The following LRP1B variants were observed in gnomAD, a reference collection of about 807,000 sequenced individuals.
The protein encoded by LRP1B is LDL receptor related protein 1B, also known as low-density lipoprotein receptor-related protein 1B.
Under a neutral mutation model 556.6 loss-of-function variants are expected in LRP1B, and 217 were observed. That is an observed-to-expected ratio of 0.39 (90% CI 0.35 to 0.44). The LOEUF (loss-of-function observed/expected upper bound fraction) is 0.44, where lower values mean the gene tolerates loss of function less well. LRP1B is among the 20% of genes least tolerant of loss of function. The probability of loss-of-function intolerance (pLI) is 1.00; values close to 1 mark genes in which losing one functional copy is unlikely to be tolerated. For missense variants in LRP1B, 5,053 were observed against 5,620.8 expected (o/e 0.90, Z 3.23); for synonymous variants, 2,047 against 1,865.8 (o/e 1.10, Z -2.50).
intron 25 of LRP1B, among the ~76,000 whole-genome samples, chr2:140,882,618 C>T (rs538779504): frequency 6.6e-6 from 1 of 152,256 alleles, no homozygotes; most frequent in Admixed American, 6.5e-5. Context: ...ATTTGGAATC[C>T]TTGCTCTAGA....
rs187435452 is a variant in LRP1B, at chr2:141,355,333, C to T, written c.344-100692G>A. 2.6e-3 allele frequency among the ~76,000 whole-genome samples: 393 copies of T among 151,888 alleles called. 5 individuals carry two copies. The highest frequency in any genetic ancestry group is 9.0e-3 in the African/African-American group (371 of 41,384). The stretch of plus-strand genomic sequence containing the variant: ...GAAATAATTCACATACCTTAATATC[C>T]ACCCTTATAAAGTGTACAATTCCCT... On this transcript the variant is annotated intron_variant, in intron 3 of 90. Transcript: ENST00000389484.
chr2:141,643,196 C>T (rs1039061289), intron 2 of LRP1B, among the ~76,000 whole-genome samples: 1 of 152,140 alleles, frequency 6.6e-6, no homozygotes. Context: ...ATCTGGTACT[C>T]TGCAATGGCA....
At chr2:142,061,307 A>C (rs1336787216) in intron 1 of LRP1B, among the ~76,000 whole-genome samples, 1 of 152,034 alleles carries the variant, frequency 6.6e-6, no homozygotes, top group Non-Finnish European at 1.5e-5. Flanking sequence ...CAGATGAGGA[A>C]TTGAACACAA....
At chr2:141,414,246 A>AAAAAAAGAAAAG (rs1553511551) in intron 3 of LRP1B, among the ~76,000 whole-genome samples, 107 of 147,886 alleles carry the variant, frequency 7.2e-4, no homozygotes, top group African/African-American at 2.7e-3. Context: ...TCAAAAAAAA[A>AAAAAAAGAAAAG]AAAAAAAGAA....
At position 141,515,134 on chromosome 2, in the gene LRP1B, C is replaced by A. The variant is rs1002082824; in HGVS notation, c.206-34601G>T. Reference sequence around the variant, plus strand: ...ATTGACCAACATGGAGAAACCCCGTCTCTACTAAAAATACAAAATTAGCCC... The same window carrying A: ...ATTGACCAACATGGAGAAACCCCGTATCTACTAAAAATACAAAATTAGCCC... On this transcript the variant is annotated intron_variant, in intron 2 of 90. Transcript: ENST00000389484. Among the ~76,000 whole-genome samples the A allele has an allele frequency of 6.6e-5, 10 of 152,212 alleles. No individual in the cohort carries two copies. The South Asian group carries it at 1.2e-3, about 19-fold the overall frequency.
chr2:140,729,788 T>C (rs971912725), intron 35 of LRP1B, among the ~76,000 whole-genome samples: 1 of 152,198 alleles, frequency 6.6e-6, no homozygotes, highest in Non-Finnish European at 1.5e-5. Flanking sequence ...GAAAGCTTCA[T>C]ATTCTCTTCA....
At chr2:141,146,764 G>C (rs1294564103) in intron 7 of LRP1B, among the ~76,000 whole-genome samples, 1 of 152,112 alleles carries the variant, frequency 6.6e-6, no homozygotes, top group East Asian at 1.9e-4. Flanking sequence ...ATCAACTATA[G>C]ATGGCTGTTC....
chr2:141,466,563 G>A (rs1682210097), intron 3 of LRP1B, among the ~76,000 whole-genome samples: 1 of 151,458 alleles, frequency 6.6e-6, no homozygotes. Flanking sequence ...GGTAGATACT[G>A]TGTTTAATCA....
rs1246878986 is a variant in LRP1B at position 142,115,516 on chromosome 2, AC to A, written c.82+15131del. ...TTATATATAATATATATTATATATTACATATATAATATATATATTACATATG... is the reference window on the plus strand; with the variant it reads ...TTATATATAATATATATTATATATTAATATATAATATATATATTACATATG... On this transcript the variant is annotated intron_variant, in intron 1 of 90. Transcript: ENST00000389484. Among the ~76,000 whole-genome samples, 18 of 77,856 alleles carry A rather than the reference AC, an allele frequency of 2.3e-4. 4 individuals carry two copies. Among genetic ancestry groups the A allele is most frequent in the East Asian group, 9.6e-4 (3 of 3,132 alleles). 51.1% of individuals were successfully genotyped at this position (77,856 alleles called of 152,430 possible).
At chr2:141,049,621 C>T (rs910095243) in intron 10 of LRP1B, among the ~76,000 whole-genome samples, 7 of 152,064 alleles carry the variant, frequency 4.6e-5, no homozygotes, top group African/African-American at 1.7e-4. Flanking sequence ...TTTGACAATG[C>T]TAAAAACTTC....
intron 43 of LRP1B, among the ~76,000 whole-genome samples, chr2:140,590,120 C>T (rs939134603): frequency 2.6e-5 from 4 of 151,860 alleles, no homozygotes; most frequent in South Asian, 2.1e-4. Context: ...ATGCATATGT[C>T]GTCCTTCACT....
At chr2:141,814,463 A>C (rs1696464761) in intron 1 of LRP1B, among the ~76,000 whole-genome samples, 1 of 152,196 alleles carries the variant, frequency 6.6e-6, no homozygotes, top group South Asian at 2.1e-4. Context: ...AGTGAAGTGA[A>C]GGTGGAAGCA....
At position 140,946,599 on chromosome 2, in the gene LRP1B, TCAAA is replaced by T. The variant is rs1695555523; in HGVS notation, c.3136+3632_3136+3635del. ...TTGGGCAACAGAGTGATACTCAGTC[TCAAA>T]CAAGAACAACAACAACAACAACAAA... On this transcript the variant is annotated intron_variant, in intron 20 of 90. Coordinates refer to ENST00000389484, the MANE Select transcript of LRP1B (RefSeq NM_018557.3). Among the ~76,000 whole-genome samples the T allele has an allele frequency of 2.0e-5, 3 of 151,996 alleles. No individual in the cohort carries two copies. The South Asian group carries it at 6.2e-4, about 32-fold the overall frequency.
chr2:141,878,322 T>C (rs1024754341), intron 1 of LRP1B, among the ~76,000 whole-genome samples: 2 of 151,650 alleles, frequency 1.3e-5, no homozygotes, highest in Non-Finnish European at 2.9e-5. Flanking sequence ...TGTAAAGAGC[T>C]TTACTCTCAA....
At chr2:140,429,884 T>G (rs1685842657) in intron 66 of LRP1B, among the ~76,000 whole-genome samples, 1 of 151,074 alleles carries the variant, frequency 6.6e-6, no homozygotes, top group South Asian at 2.1e-4. Context: ...ATCTATTTTC[T>G]TCCTCACACC....
chr2:140,426,327 T>C (rs148131141), intron 66 of LRP1B, among the ~76,000 whole-genome samples: 2,894 of 152,328 alleles, frequency 0.019, 46 homozygotes, highest in Non-Finnish European at 0.023. Flanking sequence ...AAAAAATGTA[T>C]ATTTTTGCTT....
At chr2:140,627,361 C>T (rs767065941) in intron 41 of LRP1B, among the ~76,000 whole-genome samples, 27 of 152,090 alleles carry the variant, frequency 1.8e-4, no homozygotes, top group Non-Finnish European at 2.9e-4. Context: ...GGCAGAGGAA[C>T]GCAGAAGGAC....
chr2:141,399,152 A>T (rs1690355377), intron 3 of LRP1B, among the ~76,000 whole-genome samples: 1 of 152,000 alleles, frequency 6.6e-6, no homozygotes, highest in Admixed American at 6.6e-5. Context: ...GCTACTCAAG[A>T]GGCTAAGGCT....
At chr2:140,838,853 C>T (rs916101141) in intron 31 of LRP1B, among the ~76,000 whole-genome samples, 11 of 152,028 alleles carry the variant, frequency 7.2e-5, no homozygotes, top group South Asian at 2.1e-4. Context: ...GATTAAGGTT[C>T]GAAACAGTAT....
Sources: gnomAD v4.1 joint callset for allele counts (sites outside exome capture counted in the v4.1 genomes callset) on GRCh38, gnomAD v4.1.1 for gene constraint, MANE v1.5 for transcripts, NCBI Gene and HGNC (gene_info 2026-07-23, HGNC 2026-07-21) for gene names.